Variants in PTPRC observed in about 807,000 individuals in gnomAD.
PTPRC encodes protein tyrosine phosphatase receptor type C, also known as receptor-type tyrosine-protein phosphatase C.
A neutral mutation model predicts 155.9 loss-of-function variants in PTPRC; 44 were observed. The observed-to-expected ratio is 0.28, with a 90% CI of 0.22 to 0.36. The LOEUF (loss-of-function observed/expected upper bound fraction) is 0.36. Among genes scored for constraint, PTPRC ranks in the 10% least tolerant of loss-of-function variants. The probability of loss-of-function intolerance (pLI) is 1.00; values close to 1 mark genes in which losing one functional copy is unlikely to be tolerated. For synonymous variants in PTPRC, 525 were observed against 533.1 expected, an observed-to-expected ratio of 0.98 and a Z score of 0.21; for missense variants, 1,401 against 1,564.6, an observed-to-expected ratio of 0.90 and a Z score of 1.76.
chr1:198,713,350 A>G (rs1653407146), intron 12 of PTPRC, among the ~76,000 whole-genome samples: 1 of 152,180 alleles, frequency 6.6e-6, no homozygotes, highest in Non-Finnish European at 1.5e-5. Flanking sequence ...CTGGATGACA[A>G]CACTCATTTC....
chr1:198,700,469 T>C (rs1173010788), intron 5 of PTPRC, among the ~76,000 whole-genome samples: 3 of 152,212 alleles, frequency 2.0e-5, no homozygotes, highest in Admixed American at 1.3e-4. Context: ...ATAATTATTA[T>C]TTTGCAGTAT....
chr1:198,662,444 C>CTG (rs5779935), intron 2 of PTPRC, among the ~76,000 whole-genome samples: 13,374 of 130,894 alleles, frequency 0.1, 699 homozygotes, highest in South Asian at 0.16. Flanking sequence ...TTTCTGAGAG[C>CTG]TGTGTGTGTG....
At chr1:198,664,752 G>A (rs1664182209) in intron 2 of PTPRC, among the ~76,000 whole-genome samples, 2 of 152,034 alleles carry the variant, frequency 1.3e-5, no homozygotes, top group South Asian at 4.1e-4. Context: ...TCCTCTCCGA[G>A]GTCCCTTATA....
At position 198,749,488 on chromosome 1, in the gene PTPRC, C is replaced by T; in HGVS notation, c.3011C>T (p.Ser1004Phe). ...SKESEHDSDESSDDDSDSEEP... is the reference protein window; with the variant it reads ...SKESEHDSDEFSDDDSDSEEP... ...GAGAGTGAGCATGATTCAGATGAAT[C>T]CTCTGATGATGACAGTGATTCAGAG... The change falls in exon 28 of 33, where the codon TCC (serine) becomes TTC (phenylalanine). Residue 1004 changes from serine to phenylalanine, a missense_variant. Physicochemically the swap from Ser to Phe is radical, Grantham distance 155 (BLOSUM62 -2). Around this residue, in one of 3 missense-constraint regions of PTPRC, gnomAD observed 400 missense variants for 389.5 expected, o/e 1.03. Transcript: ENST00000442510. The T allele has an allele frequency of 6.2e-7, 1 of 1,610,032 alleles. No individual in the cohort carries two copies. The highest frequency in any genetic ancestry group is 8.5e-7 in the Non-Finnish European group (1 of 1,177,312).
intron 12 of PTPRC, among the ~76,000 whole-genome samples, chr1:198,713,956 A>C (rs1331722204): frequency 6.6e-6 from 1 of 152,202 alleles, no homozygotes; most frequent in East Asian, 1.9e-4. Flanking sequence ...TTTAGGTCTT[A>C]ATAATCAGAC....
At position 198,656,562 on chromosome 1, in the gene PTPRC, A is replaced by G. The variant is rs534180749; in HGVS notation, c.73+17221A>G. Among the ~76,000 whole-genome samples the G allele has an allele frequency of 1.4e-4, 22 of 152,130 alleles. No homozygotes were observed. In the South Asian group the frequency reaches 4.6e-3, roughly 31 times the overall value. ...ACTGTGTATGAGCTATGAAGGCACA[A>G]TGGAAGCTTGCCTGGCAATCAGTGC... On this transcript the variant is annotated intron_variant, in intron 2 of 32. Coordinates refer to ENST00000442510, the MANE Select transcript of PTPRC (RefSeq NM_002838.5).
At chr1:198,720,669 C>T (rs1653844533) in intron 14 of PTPRC, among the ~76,000 whole-genome samples, 2 of 152,062 alleles carry the variant, frequency 1.3e-5, no homozygotes, top group African/African-American at 4.8e-5. Flanking sequence ...TGATTTGTTC[C>T]TGAAAAATTT....
At chr1:198,729,224 A>G in intron 17 of PTPRC, 53 bp downstream of exon 17, 1 of 1,517,268 alleles carries the variant, frequency 6.6e-7, no homozygotes, top group South Asian at 1.3e-5. Flanking sequence ...ATTTGAATCC[A>G]TTCATTTTAT....
intron 2 of PTPRC, among the ~76,000 whole-genome samples, chr1:198,644,975 A>AATT (rs913675833): frequency 6.6e-6 from 1 of 151,838 alleles, no homozygotes; most frequent in African/African-American, 2.4e-5. Context: ...ATTACAATGC[A>AATT]ATTATATTGA....
intron 12 of PTPRC, among the ~76,000 whole-genome samples, 194 bp from the exon 13 acceptor site, chr1:198,716,488 A>G (rs1427953502): frequency 1.3e-5 from 2 of 152,202 alleles, no homozygotes; most frequent in African/African-American, 4.8e-5. Context: ...AATTTTACCA[A>G]TGATAATTGA....
intron 2 of PTPRC, among the ~76,000 whole-genome samples, chr1:198,691,349 T>C (rs1331690657): frequency 6.6e-6 from 1 of 152,098 alleles, no homozygotes; most frequent in Non-Finnish European, 1.5e-5. Context: ...TATAACTCAC[T>C]AGCATGTTAA....
chr1:198,656,510 T>C (rs1663576041), intron 2 of PTPRC, among the ~76,000 whole-genome samples: 2 of 152,158 alleles, frequency 1.3e-5, no homozygotes, highest in South Asian at 4.1e-4. Flanking sequence ...TCCAGATACC[T>C]ACAAGGGCCT....
rs73083337 is a variant in PTPRC, at chr1:198,742,763, A to C, written c.2697+396A>C. 8.2e-3 allele frequency among the ~76,000 whole-genome samples: 1,244 copies of C among 151,962 alleles called. 19 individuals are homozygous for C. Among genetic ancestry groups the C allele is most frequent in the African/African-American group, 0.029 (1,188 of 41,520 alleles). ...CAGGTTTCAAATCTTGCTTTTAATT[A>C]TTAATACGAGGGTGAGTGGTATTGT... On this transcript the variant is annotated intron_variant, in intron 25 of 32. Transcript: ENST00000442510.
In PTPRC at chr1:198,709,833, G is replaced by C; in HGVS notation, c.1171+9G>C. 6.2e-7 allele frequency: 1 copy of C among 1,609,840 alleles called. No homozygotes were observed. Among genetic ancestry groups the C allele is most frequent in the Non-Finnish European group, 8.5e-7 (1 of 1,177,762 alleles). On this transcript the variant is annotated intron_variant, in intron 11 of 32. Coordinates refer to ENST00000442510, the MANE Select transcript of PTPRC (RefSeq NM_002838.5). ...TAAAACAGATTTTGGGAGTGAGTATGTTACTTGCATTTATATGTAAAATTG... is the reference window on the plus strand; with the variant it reads ...TAAAACAGATTTTGGGAGTGAGTATCTTACTTGCATTTATATGTAAAATTG...
At chr1:198,666,718 G>A (rs1664332173) in intron 2 of PTPRC, among the ~76,000 whole-genome samples, 1 of 152,070 alleles carries the variant, frequency 6.6e-6, no homozygotes, top group African/African-American at 2.4e-5. Context: ...TCCTTTCAAG[G>A]TAGACTATGA....
chr1:198,718,283 C>T lies in PTPRC; in HGVS notation c.1640C>T (p.Ser547Leu). ...TTCCGTGTAAAAGATCTTCAATATT[C>T]AACAGACTACACTTTTAAGGTAAAA... Reference protein sequence around the residue: ...CDFRVKDLQYSTDYTFKAYFH... With the variant: ...CDFRVKDLQYLTDYTFKAYFH... The change falls in exon 14 of 33, where the codon TCA (serine) becomes TTA (leucine). Residue 547 changes from serine (S) to leucine (L), a missense_variant. Physicochemically the swap from Ser to Leu is moderately radical, Grantham distance 145 (BLOSUM62 -2). Coordinates refer to ENST00000442510, the MANE Select transcript of PTPRC (RefSeq NM_002838.5). 6.2e-7 allele frequency: 1 copy of T among 1,612,650 alleles called. No homozygotes were observed. The highest frequency in any genetic ancestry group is 8.5e-7 in the Non-Finnish European group (1 of 1,178,870).
chr1:198,659,807 A>T (rs1319740097), intron 2 of PTPRC, among the ~76,000 whole-genome samples: 1 of 151,628 alleles, frequency 6.6e-6, no homozygotes, highest in South Asian at 2.1e-4. Flanking sequence ...CTCCCAAAGT[A>T]TTGGGATTAC....
intron 2 of PTPRC, among the ~76,000 whole-genome samples, chr1:198,657,351 G>T (rs1279360272): frequency 6.6e-6 from 1 of 151,754 alleles, no homozygotes; most frequent in Non-Finnish European, 1.5e-5. Flanking sequence ...TCCAACTTTT[G>T]TAAGCCACCA....
chr1:198,742,460 A>G lies in PTPRC; in HGVS notation c.2697+93A>G, dbSNP rs12120275. ...ATAATGATATTTTTTAAAAATCCAA[A>G]TTCTTCACAACCTCAAACAGTAGAT... is the stretch of plus-strand genomic sequence containing the variant. On this transcript the variant is annotated intron_variant, in intron 25 of 32. Transcript: ENST00000442510. 9.1e-3 allele frequency: 13,351 copies of G among 1,475,144 alleles called. 85 individuals are homozygous for G. Among genetic ancestry groups the G allele is most frequent in the Non-Finnish European group, 0.012 (12,289 of 1,063,344 alleles). The allele number at this position is 1,475,144 out of a possible 1,614,324, so 91.4% of individuals were successfully genotyped here. A position where few individuals can be genotyped will look rare whatever the true frequency, so the allele number is the denominator to read the frequency against.
Sources: allele counts gnomAD v4.1 joint callset (sites outside exome capture counted in the v4.1 genomes callset), GRCh38; gene constraint gnomAD v4.1.1; regional missense constraint gnomAD v4.1.1; transcripts MANE v1.5; gene names NCBI Gene and HGNC (gene_info 2026-07-23, HGNC 2026-07-21).